MGAM: variants seen among roughly 807,000 people sequenced by gnomAD.
The protein encoded by MGAM is alpha-1,4-glucosidase.
In MGAM, 253 loss-of-function variants were observed where a neutral mutation model predicts 358.8. The ratio of observed to expected loss-of-function variants is 0.71; its 90% CI spans 0.64 to 0.78. MGAM has a LOEUF of 0.78. Ranked by LOEUF, MGAM falls within the 30% of genes least tolerant of loss-of-function variation. MGAM has a pLI of 0.00. For synonymous variants in MGAM, 1,105 were observed against 1,227.1 expected (o/e 0.90, Z 2.08); for missense variants, 3,080 against 3,432.6 (o/e 0.90, Z 2.57).
intron 66 of MGAM, among the ~76,000 whole-genome samples, chr7:142,098,967 T>C (rs181747884): frequency 6.6e-6 from 1 of 152,332 alleles, no homozygotes; most frequent in East Asian, 1.9e-4. Flanking sequence ...GCAAAAACTA[T>C]GGCCCACAGC....
intron 3 of MGAM, among the ~76,000 whole-genome samples, chr7:142,015,815 A>G (rs1400340074): frequency 3.9e-5 from 6 of 152,082 alleles, no homozygotes; most frequent in African/African-American, 1.4e-4. Flanking sequence ...GATATCCATG[A>G]TCAAACTAAG....
intron 21 of MGAM, among the ~76,000 whole-genome samples, chr7:142,044,272 T>A (rs1297994548): frequency 1.2e-5 from 1 of 82,048 alleles, no homozygotes; most frequent in Non-Finnish European, 3.1e-5. Context: ...ATATATACAT[T>A]ATATACACAT....
chr7:142,048,419 A>C (rs1412212440), intron 22 of MGAM, among the ~76,000 whole-genome samples: 2 of 150,890 alleles, frequency 1.3e-5, no homozygotes, highest in Non-Finnish European at 3.0e-5. Flanking sequence ...AAGTGCTGGG[A>C]TTACAGGCAT....
At chr7:142,089,772 G>T (rs1815192766) in intron 57 of MGAM, among the ~76,000 whole-genome samples, 1 of 145,670 alleles carries the variant, frequency 6.9e-6, no homozygotes, top group African/African-American at 2.4e-5. Flanking sequence ...GGGTGACACA[G>T]CGAGACTCCG....
intron 45 of MGAM, 49 bp downstream of exon 45, chr7:142,074,222 C>T (rs756321231): frequency 8.0e-7 from 1 of 1,251,408 alleles, no homozygotes; most frequent in Non-Finnish European, 1.1e-6. Context: ...GCGCCTGTGA[C>T]TTATGGTCCT....
At position 142,085,831 on chromosome 7, in the gene MGAM, A is replaced by G. The variant is rs1814698217; in HGVS notation, c.6508-2A>G. 1.3e-6 allele frequency: 2 copies of G among 1,563,684 alleles called. No homozygotes were observed. Among genetic ancestry groups the G allele is most frequent in the African/African-American group, 1.3e-5 (1 of 74,418 alleles). ...CTCTCAGCTCCCCATGTCCTCCCGC[A>G]GGACGTGCAGTACTCAGACATCGAC... On this transcript the variant is annotated splice_acceptor_variant, in intron 54 of 70. Transcript: ENST00000475668. LOFTEE classifies it high-confidence loss of function.
chr7:142,036,032 T>C (rs1807958591), intron 16 of MGAM, 137 bp from the exon 17 acceptor site: 5 of 631,722 alleles, frequency 7.9e-6, no homozygotes, highest in Non-Finnish European at 1.4e-5. Flanking sequence ...ACACAGGCTA[T>C]GACCAAATTT....
In MGAM at chr7:142,045,857, A is replaced by G. The variant is rs190430138; in HGVS notation, c.2499-1928A>G. Among the ~76,000 whole-genome samples the G allele has an allele frequency of 5.0e-4, 58 of 115,960 alleles. 3 individuals are homozygous for G. Among genetic ancestry groups the G allele is most frequent in the African/African-American group, 2.3e-3 (57 of 25,240 alleles). The allele number at this position is 115,960 out of a possible 152,430, so 76.1% of individuals were successfully genotyped here. On this transcript the variant is annotated intron_variant, in intron 21 of 70. Transcript: ENST00000475668. Reference sequence around the variant, plus strand: ...TATATACATACAATATGTAATATATATATTATATATACATACAATATGTAA... The same window carrying G: ...TATATACATACAATATGTAATATATGTATTATATATACATACAATATGTAA...
intron 42 of MGAM, 74 bp from the exon 43 acceptor site, chr7:142,068,573 C>G: frequency 1.7e-6 from 2 of 1,194,516 alleles, no homozygotes; most frequent in East Asian, 4.8e-5. Context: ...TATTTCACCT[C>G]TTTCCTAAGC....
intron 57 of MGAM, among the ~76,000 whole-genome samples, chr7:142,087,790 C>A (rs1360375393): frequency 6.8e-6 from 1 of 146,454 alleles, no homozygotes; most frequent in African/African-American, 2.4e-5. Flanking sequence ...ATTAATCAGA[C>A]AAATATCCAT....
At chr7:142,047,760 G>T (rs534197769) in intron 21 of MGAM, 25 bp from the exon 22 acceptor site, 44 of 1,592,418 alleles carry the variant, frequency 2.8e-5, no homozygotes, top group African/African-American at 4.0e-5. Flanking sequence ...TCCTGTCTTT[G>T]TGTCTTGAAT....
chr7:142,101,666 G>T (rs1816452607), intron 68 of MGAM, among the ~76,000 whole-genome samples: 1 of 151,764 alleles, frequency 6.6e-6, no homozygotes, highest in Non-Finnish European at 1.5e-5. Flanking sequence ...AGCACTTTGA[G>T]AGGCCGAGGC....
Position 142,094,661 on chromosome 7 carries a change from GTC to G in MGAM, c.7341+8_7341+9del, listed in dbSNP as rs768608001. On this transcript the variant is annotated splice_region_variant and intron_variant, in intron 62 of 70. Coordinates refer to ENST00000475668, the MANE Select transcript of MGAM (RefSeq NM_001365693.1). ...CCTCTTCGGCATATCCTATGTGAGT[GTC>G]CTTGGGATCCTCCTAAGCACCAAGA... is the stretch of plus-strand genomic sequence containing the variant. 6.2e-6 allele frequency: 10 copies of G among 1,611,976 alleles called. No homozygotes were observed. The South Asian group carries it at 1.1e-4, about 18-fold the overall frequency.
intron 19 of MGAM, 134 bp downstream of exon 19, chr7:142,038,749 G>A (rs1207496639): frequency 3.5e-6 from 2 of 564,872 alleles, no homozygotes; most frequent in Non-Finnish European, 5.8e-6. Context: ...AGTGTGCTAG[G>A]TTTTGAGAAG....
intron 1 of MGAM, among the ~76,000 whole-genome samples, chr7:142,005,228 G>T (rs1018021186): frequency 6.6e-6 from 1 of 151,892 alleles, no homozygotes; most frequent in African/African-American, 2.4e-5. Flanking sequence ...CATATATTAG[G>T]TATGATAATA....
chr7:142,060,428 T>G (rs6959057), intron 34 of MGAM, 55 bp downstream of exon 34: 3 of 1,577,214 alleles, frequency 1.9e-6, no homozygotes, highest in East Asian at 2.2e-5. Flanking sequence ...CAGGGGCAGC[T>G]GTTCCTGGGA....
In MGAM at chr7:142,064,417, A is replaced by T. The variant is rs375342862; in HGVS notation, c.4379A>T (p.Lys1460Met). ...LESRDRGLSS[K>M]TLCMESQQIL... ...TCCAGGGACAGGGGCCTGAGCAGCAAGACCCTTTGTATGGAGAGTCAGCAG... is the reference window on the plus strand; with the variant it reads ...TCCAGGGACAGGGGCCTGAGCAGCATGACCCTTTGTATGGAGAGTCAGCAG... The change falls in exon 37 of 71, where the codon AAG becomes ATG. Residue 1460 changes from lysine to methionine, a missense_variant. Coordinates refer to ENST00000475668, the MANE Select transcript of MGAM (RefSeq NM_001365693.1). 4 of 1,608,430 alleles carry T rather than the reference A, an allele frequency of 2.5e-6. No individual in the cohort carries two copies. The African/African-American group carries it at 5.3e-5, about 21-fold the overall frequency.
At chr7:142,063,373 C>A in intron 35 of MGAM, 126 bp from the exon 36 acceptor site, 2 of 1,117,640 alleles carry the variant, frequency 1.8e-6, no homozygotes, top group Non-Finnish European at 2.6e-6. Context: ...TTTGATGAAG[C>A]TCCCAGGGCT....
At chr7:142,090,009 A>G (rs1815212187) in intron 57 of MGAM, among the ~76,000 whole-genome samples, 1 of 145,874 alleles carries the variant, frequency 6.9e-6, no homozygotes, top group South Asian at 2.2e-4. Flanking sequence ...ATTTAATTCA[A>G]TAAGTCTGAT....
Sources: allele counts gnomAD v4.1 joint callset (sites outside exome capture counted in the v4.1 genomes callset), GRCh38; gene constraint gnomAD v4.1.1; transcripts MANE v1.5; gene names NCBI Gene and HGNC (gene_info 2026-07-23, HGNC 2026-07-21).